CDH18: variants seen among roughly 807,000 people sequenced by gnomAD.
CDH18 encodes cadherin 18.
Under a neutral mutation model 67.9 loss-of-function variants are expected in CDH18, and 31 were observed. The ratio of observed to expected loss-of-function variants is 0.46; its 90% CI spans 0.34 to 0.62. CDH18 has a LOEUF of 0.62. Ranked by LOEUF, CDH18 falls within the 20% of genes least tolerant of loss-of-function variation. The pLI is 0.01. For synonymous variants in CDH18, 362 were observed against 347.2 expected (o/e 1.04, Z -0.48); for missense variants, 890 against 975.5 (o/e 0.91, Z 1.17).
chr5:20,338,823 T>C (rs1740004611), intron 1 of CDH18, among the ~76,000 whole-genome samples: 1 of 152,100 alleles, frequency 6.6e-6, no homozygotes. Context: ...TATTCCAGTG[T>C]CTCTTCAGGG....
chr5:20,440,786 A>G (rs1299413381), intron 1 of CDH18, among the ~76,000 whole-genome samples: 1 of 152,002 alleles, frequency 6.6e-6, no homozygotes, highest in East Asian at 1.9e-4. Flanking sequence ...AATTTTATTT[A>G]GTAAATAGCA....
chr5:20,556,172 C>T (rs1385500315), intron 1 of CDH18, among the ~76,000 whole-genome samples: 2 of 152,146 alleles, frequency 1.3e-5, no homozygotes, highest in African/African-American at 4.8e-5. Context: ...TTCTCACCTT[C>T]TGTGGAGGAA....
intron 7 of CDH18, among the ~76,000 whole-genome samples, chr5:19,576,487 A>C (rs926895892): frequency 6.6e-6 from 1 of 152,208 alleles, no homozygotes; most frequent in African/African-American, 2.4e-5. Context: ...CATATATATG[A>C]AAAATTCCTC....
chr5:20,218,385 C>T (rs1580505508), intron 2 of CDH18, among the ~76,000 whole-genome samples: 1 of 151,882 alleles, frequency 6.6e-6, no homozygotes, highest in East Asian at 1.9e-4. Context: ...TATGCAAATA[C>T]ATGGAAATTA....
chr5:19,784,209 TAAG>T (rs1328147763), intron 3 of CDH18, among the ~76,000 whole-genome samples: 1 of 152,104 alleles, frequency 6.6e-6, no homozygotes, highest in South Asian at 2.1e-4. Flanking sequence ...TACACAAAAA[TAAG>T]AAGAGGGAAA....
chr5:20,103,987 G>A (rs1214366350), intron 2 of CDH18, among the ~76,000 whole-genome samples: 1 of 151,278 alleles, frequency 6.6e-6, no homozygotes, highest in East Asian at 1.9e-4. Flanking sequence ...ACAAGAGCAA[G>A]GGCATCTATT....
chr5:19,958,379 CAAAAAA>C (rs57913629), intron 2 of CDH18, among the ~76,000 whole-genome samples: 14 of 66,644 alleles, frequency 2.1e-4, no homozygotes, highest in East Asian at 9.6e-4. Context: ...TTTCCTTCAC[CAAAAAA>C]AAAAAAAAAA....
chr5:20,282,026 G>A (rs1350028520), intron 1 of CDH18, among the ~76,000 whole-genome samples: 1 of 152,018 alleles, frequency 6.6e-6, no homozygotes, highest in Admixed American at 6.6e-5. Flanking sequence ...TCTGTTATTG[G>A]TGTATAAGAA....
rs1752200568 is a variant in CDH18 at position 20,473,122 on chromosome 5, A to G, written c.-580+102340T>C. Among the ~76,000 whole-genome samples the G allele has an allele frequency of 2.0e-5, 3 of 152,236 alleles. No homozygotes were observed. In the South Asian group the frequency reaches 6.2e-4, roughly 32 times the overall value. On this transcript the variant is annotated intron_variant, in intron 1 of 14. Coordinates refer to the CDH18 transcript ENST00000507958. ...TAAGGTTCTATAAATGATGAGTTTT[A>G]AAGATGAGATTCAAACATAGCACTA... is the stretch of plus-strand genomic sequence containing the variant.
intron 3 of CDH18, among the ~76,000 whole-genome samples, chr5:19,756,388 A>G (rs1377319958): frequency 6.6e-6 from 1 of 152,222 alleles, no homozygotes; most frequent in African/African-American, 2.4e-5. Flanking sequence ...ACTTTCTTCT[A>G]CTACCTATTC....
intron 2 of CDH18, among the ~76,000 whole-genome samples, chr5:20,077,562 A>G (rs190790727): frequency 1.3e-5 from 2 of 152,312 alleles, no homozygotes; most frequent in Admixed American, 1.3e-4. Flanking sequence ...TACATTGAAA[A>G]CAATGGAATG....
At chr5:20,365,603 A>T (rs1742449159) in intron 1 of CDH18, among the ~76,000 whole-genome samples, 1 of 152,186 alleles carries the variant, frequency 6.6e-6, no homozygotes, top group African/African-American at 2.4e-5. Flanking sequence ...CTTCATCACC[A>T]CTATTGATGG....
chr5:19,926,650 T>A (rs1230852620), intron 2 of CDH18, among the ~76,000 whole-genome samples: 1 of 152,118 alleles, frequency 6.6e-6, no homozygotes, highest in African/African-American at 2.4e-5. Flanking sequence ...TAAAATTGAC[T>A]CTCAAGTATG....
At chr5:20,187,556 A>C (rs1738198278) in intron 2 of CDH18, among the ~76,000 whole-genome samples, 1 of 151,862 alleles carries the variant, frequency 6.6e-6, no homozygotes, top group Non-Finnish European at 1.5e-5. Context: ...CATAAAATAA[A>C]TTTCCTGCTT....
At chr5:19,777,402 A>C (rs1774520042) in intron 3 of CDH18, among the ~76,000 whole-genome samples, 1 of 152,222 alleles carries the variant, frequency 6.6e-6, no homozygotes, top group Admixed American at 6.5e-5. Flanking sequence ...AACAGATGGA[A>C]GGCAATCCAG....
chr5:20,512,545 T>C (rs1276594992), intron 1 of CDH18, among the ~76,000 whole-genome samples: 1 of 152,134 alleles, frequency 6.6e-6, no homozygotes, highest in Non-Finnish European at 1.5e-5. Flanking sequence ...ATTTTGTCCC[T>C]GTATTTCTGT....
chr5:20,003,578 T>A (rs1470074459), intron 2 of CDH18, among the ~76,000 whole-genome samples: 2 of 152,172 alleles, frequency 1.3e-5, no homozygotes, highest in Admixed American at 6.5e-5. Flanking sequence ...AACAAATGAT[T>A]TTATATCAAT....
At chr5:20,528,196 T>A (rs1756183647) in intron 1 of CDH18, among the ~76,000 whole-genome samples, 1 of 152,012 alleles carries the variant, frequency 6.6e-6, no homozygotes, top group Non-Finnish European at 1.5e-5. Flanking sequence ...AAGCTTCAAT[T>A]CAACATGAAG....
chr5:20,028,342 A>G lies in CDH18; in HGVS notation c.-517-36328T>C, dbSNP rs2150446261. Among the ~76,000 whole-genome samples, 2 of 152,326 alleles carry G rather than the reference A, an allele frequency of 1.3e-5. 1 individual carries two copies. The highest frequency in any genetic ancestry group is 4.8e-5 in the African/African-American group (2 of 41,588). Reference sequence around the variant, plus strand: ...TGAAAGAAGATTTAAATTAACAAAGATAACACCGAAATTTCTTGGATCACT... The same window carrying G: ...TGAAAGAAGATTTAAATTAACAAAGGTAACACCGAAATTTCTTGGATCACT... On this transcript the variant is annotated intron_variant, in intron 2 of 14. Transcript: ENST00000507958.
Sources: allele counts gnomAD v4.1 joint callset (sites outside exome capture counted in the v4.1 genomes callset), GRCh38; gene constraint gnomAD v4.1.1; transcripts MANE v1.5; gene names NCBI Gene and HGNC (gene_info 2026-07-23, HGNC 2026-07-21).